Variants in CCBE1 observed in about 807,000 individuals in gnomAD.
The protein encoded by CCBE1 is collagen and calcium-binding EGF domain-containing protein 1.
CCBE1 carries 37 observed loss-of-function variants against 50.0 expected under a neutral mutation model. The ratio of observed to expected loss-of-function variants is 0.74; its 90% CI spans 0.57 to 0.97. The LOEUF (loss-of-function observed/expected upper bound fraction) is 0.97, where lower values mean the gene tolerates loss of function less well. Among genes scored for constraint, CCBE1 ranks in the 50% least tolerant of loss-of-function variants. The pLI is 0.00. For missense variants in CCBE1, 538 were observed against 523.8 expected, an observed-to-expected ratio of 1.03 and a Z score of -0.26; for synonymous variants, 234 against 203.7, an observed-to-expected ratio of 1.15 and a Z score of -1.27.
At chr18:59,541,760 T>C (rs972331071) in intron 2 of CCBE1, among the ~76,000 whole-genome samples, 2 of 152,056 alleles carry the variant, frequency 1.3e-5, no homozygotes, top group African/African-American at 2.4e-5. Context: ...ACACACTCTG[T>C]GTTCAAATTG....
At chr18:59,568,046 A>G (rs1370634786) in intron 2 of CCBE1, 7 of 152,144 alleles carry the variant, frequency 4.6e-5, no homozygotes, top group African/African-American at 1.7e-4. Context: ...TATAGAGAGA[A>G]CCACGGTTAG....
At chr18:59,545,477 C>T (rs561291320) in intron 2 of CCBE1, among the ~76,000 whole-genome samples, 9 of 152,286 alleles carry the variant, frequency 5.9e-5, no homozygotes, top group South Asian at 2.1e-4. Flanking sequence ...TACCATTCCA[C>T]GTCAGTATAT....
At chr18:59,503,329 C>G (rs192148733) in intron 2 of CCBE1, among the ~76,000 whole-genome samples, 4 of 151,120 alleles carry the variant, frequency 2.6e-5, no homozygotes, top group Non-Finnish European at 5.9e-5. Context: ...ATCAACCTGC[C>G]GAGTGCTCTG....
intron 2 of CCBE1, among the ~76,000 whole-genome samples, chr18:59,518,266 A>G (rs1914458763): frequency 6.6e-6 from 1 of 152,196 alleles, no homozygotes. Flanking sequence ...AGGCTGGCAG[A>G]TCACTTGAAG....
intron 2 of CCBE1, among the ~76,000 whole-genome samples, chr18:59,529,646 C>T (rs1914971520): frequency 6.6e-6 from 1 of 152,180 alleles, no homozygotes; most frequent in Admixed American, 6.5e-5. Context: ...GGTGGTCTCT[C>T]CACCCTGTTT....
chr18:59,602,666 C>G (rs531528666), intron 2 of CCBE1, among the ~76,000 whole-genome samples: 1 of 152,222 alleles, frequency 6.6e-6, no homozygotes, highest in South Asian at 2.1e-4. Context: ...TCACCATAAG[C>G]TGTAATAACC....
intron 2 of CCBE1, among the ~76,000 whole-genome samples, chr18:59,642,948 C>CAAAAAAAAAAAA (rs10683687): frequency 1.6e-3 from 152 of 94,160 alleles, no homozygotes; most frequent in African/African-American, 6.0e-3. Context: ...GACTCCACCT[C>CAAAAAAAAAAAA]AAAAAAAAAA....
At chr18:59,683,560 T>G (rs2054619403) in intron 2 of CCBE1, among the ~76,000 whole-genome samples, 1 of 148,064 alleles carries the variant, frequency 6.8e-6, no homozygotes. Flanking sequence ...TAGCCAGGAG[T>G]GGTGGCGCAC....
chr18:59,628,989 C>G (rs1210753902), intron 2 of CCBE1, among the ~76,000 whole-genome samples: 1 of 152,182 alleles, frequency 6.6e-6, no homozygotes, highest in East Asian at 1.9e-4. Context: ...ACTGCCACAG[C>G]CTCCTAAGGG....
chr18:59,463,398 T>A (rs1158336253), intron 5 of CCBE1, among the ~76,000 whole-genome samples: 2 of 152,180 alleles, frequency 1.3e-5, no homozygotes, highest in African/African-American at 4.8e-5. Flanking sequence ...CAGCTAACTT[T>A]TTTGATTTTC....
intron 7 of CCBE1, among the ~76,000 whole-genome samples, chr18:59,444,612 GC>G (rs1441998732): frequency 6.6e-6 from 1 of 151,790 alleles, no homozygotes; most frequent in Non-Finnish European, 1.5e-5. Context: ...GACCTCCTGG[GC>G]TTAAGCGATC....
chr18:59,477,607 TC>T (rs1912374951), intron 3 of CCBE1, among the ~76,000 whole-genome samples: 1 of 152,168 alleles, frequency 6.6e-6, no homozygotes, highest in Non-Finnish European at 1.5e-5. Context: ...TCTTTTATCT[TC>T]TTATCATATG....
intron 2 of CCBE1, among the ~76,000 whole-genome samples, chr18:59,528,571 T>C (rs1232092419): frequency 6.6e-6 from 1 of 152,180 alleles, no homozygotes; most frequent in Non-Finnish European, 1.5e-5. Flanking sequence ...TTCAGCGTTT[T>C]TTTGTTGATT....
At chr18:59,476,356 C>A (rs1912306301) in intron 3 of CCBE1, among the ~76,000 whole-genome samples, 1 of 152,154 alleles carries the variant, frequency 6.6e-6, no homozygotes, top group South Asian at 2.1e-4. Context: ...AGTACTGCTC[C>A]CTTCCCACAG....
intron 5 of CCBE1, chr18:59,455,190 G>T: frequency 1.6e-6 from 1 of 607,922 alleles, no homozygotes; most frequent in Non-Finnish European, 3.0e-6. Context: ...TTCCTATTTA[G>T]ACATGCCAGG....
chr18:59,604,236 T>A (rs1222435325), intron 2 of CCBE1, among the ~76,000 whole-genome samples: 1 of 152,170 alleles, frequency 6.6e-6, no homozygotes, highest in Admixed American at 6.5e-5. Flanking sequence ...GGAAGCAGCA[T>A]GCTACCCTCT....
chr18:59,542,290 T>C (rs1437555801), intron 2 of CCBE1, among the ~76,000 whole-genome samples: 1 of 33,544 alleles, frequency 3.0e-5, no homozygotes, highest in East Asian at 3.8e-4. Context: ...TAATAAATTC[T>C]TGAATTTAAG....
intron 2 of CCBE1, among the ~76,000 whole-genome samples, chr18:59,490,935 C>T (rs1453412543): frequency 6.6e-6 from 1 of 152,150 alleles, no homozygotes; most frequent in Non-Finnish European, 1.5e-5. Context: ...TTTTTGGAAG[C>T]ACTGATGGCT....
chr18:59,672,825 A>G (rs2054452239), intron 2 of CCBE1, among the ~76,000 whole-genome samples: 2 of 152,214 alleles, frequency 1.3e-5, no homozygotes, highest in Admixed American at 1.3e-4. Flanking sequence ...GAGGATGCAA[A>G]GGCATAAGAC....
Sources: gnomAD v4.1 joint callset for allele counts (sites outside exome capture counted in the v4.1 genomes callset) on GRCh38, gnomAD v4.1.1 for gene constraint, MANE v1.5 for transcripts, NCBI Gene and HGNC (gene_info 2026-07-23, HGNC 2026-07-21) for gene names.